Variants in DOK6 observed in about 807,000 individuals in gnomAD.
DOK6 encodes the protein downstream of tyrosine kinase 6.
Under a neutral mutation model 44.0 loss-of-function variants are expected in DOK6, and 22 were observed. The ratio of observed to expected loss-of-function variants is 0.50; its 90% CI spans 0.36 to 0.71. The LOEUF is 0.71. Ranked by LOEUF, DOK6 falls within the 30% of genes least tolerant of loss-of-function variation. The pLI, the probability that DOK6 is intolerant of heterozygous loss-of-function variation, is 0.00. For synonymous variants in DOK6, 166 were observed against 145.5 expected (o/e 1.14, Z -1.01); for missense variants, 340 against 416.4 (o/e 0.82, Z 1.60).
chr18:69,549,918 T>C (rs1469280269), intron 1 of DOK6, among the ~76,000 whole-genome samples: 1 of 150,516 alleles, frequency 6.6e-6, no homozygotes, highest in Non-Finnish European at 1.5e-5. Context: ...TGCTAATAGC[T>C]ACTATTTCTT....
At chr18:69,517,125 A>G (rs1230963386) in intron 1 of DOK6, among the ~76,000 whole-genome samples, 4 of 152,180 alleles carry the variant, frequency 2.6e-5, no homozygotes. Context: ...ATGAACTCAT[A>G]GGAGATTCTT....
At chr18:69,836,120 A>T (rs1224002251) in intron 7 of DOK6, among the ~76,000 whole-genome samples, 1 of 152,182 alleles carries the variant, frequency 6.6e-6, no homozygotes, top group Non-Finnish European at 1.5e-5. Flanking sequence ...TTTTTCTTCC[A>T]TTCATAATGT....
chr18:69,444,235 G>A (rs767221067), intron 1 of DOK6, among the ~76,000 whole-genome samples: 2 of 152,122 alleles, frequency 1.3e-5, no homozygotes, highest in Non-Finnish European at 1.5e-5. Flanking sequence ...TGGAGAGCAC[G>A]GCACTCATCA....
intron 1 of DOK6, among the ~76,000 whole-genome samples, chr18:69,465,461 C>A (rs1979898165): frequency 6.6e-6 from 1 of 151,644 alleles, no homozygotes; most frequent in East Asian, 1.9e-4. Flanking sequence ...CCCCGCTCCC[C>A]CCACCCCACA....
chr18:69,677,429 T>A (rs1985948975), intron 3 of DOK6, among the ~76,000 whole-genome samples: 1 of 151,620 alleles, frequency 6.6e-6, no homozygotes, highest in African/African-American at 2.4e-5. Context: ...TTATTTTAAG[T>A]AAATTTTCCT....
At chr18:69,529,789 A>T (rs1981933779) in intron 1 of DOK6, among the ~76,000 whole-genome samples, 1 of 152,028 alleles carries the variant, frequency 6.6e-6, no homozygotes, top group South Asian at 2.1e-4. Flanking sequence ...TCAGAACAGT[A>T]CTCTTAAACT....
At chr18:69,509,367 G>A (rs1046341028) in intron 1 of DOK6, among the ~76,000 whole-genome samples, 2 of 152,178 alleles carry the variant, frequency 1.3e-5, no homozygotes, top group African/African-American at 2.4e-5. Flanking sequence ...GCCGGGCGCG[G>A]TGGTTCACGC....
chr18:69,735,361 C>T (rs1978568918), intron 5 of DOK6, among the ~76,000 whole-genome samples: 1 of 152,226 alleles, frequency 6.6e-6, no homozygotes, highest in Admixed American at 6.5e-5. Context: ...CTCAATACTC[C>T]TCTAGAAGAC....
chr18:69,570,199 T>C (rs146208172), intron 2 of DOK6, among the ~76,000 whole-genome samples: 1 of 152,070 alleles, frequency 6.6e-6, no homozygotes, highest in Non-Finnish European at 1.5e-5. Flanking sequence ...AAATAAAAGT[T>C]AAACAATATA....
intron 5 of DOK6, among the ~76,000 whole-genome samples, chr18:69,699,550 T>A (rs1986465236): frequency 6.6e-6 from 1 of 152,120 alleles, no homozygotes; most frequent in South Asian, 2.1e-4. Flanking sequence ...AATATTAAAG[T>A]CTCTACCACA....
chr18:69,577,219 T>C (rs1983259731), intron 2 of DOK6, among the ~76,000 whole-genome samples: 1 of 152,158 alleles, frequency 6.6e-6, no homozygotes, highest in African/African-American at 2.4e-5. Context: ...CATTGGTAAA[T>C]GCAGAAATGG....
At chr18:69,506,188 CT>C (rs1306930874) in intron 1 of DOK6, among the ~76,000 whole-genome samples, 1 of 151,968 alleles carries the variant, frequency 6.6e-6, no homozygotes, top group Non-Finnish European at 1.5e-5. Flanking sequence ...TATAAAGACT[CT>C]TTTTTAAAAA....
chr18:69,524,386 A>G (rs1981771551), intron 1 of DOK6, among the ~76,000 whole-genome samples: 1 of 151,994 alleles, frequency 6.6e-6, no homozygotes, highest in South Asian at 2.1e-4. Flanking sequence ...GATTTATGCA[A>G]TTTAAAGTTT....
chr18:69,819,997 C>T (rs1248094574), intron 7 of DOK6, among the ~76,000 whole-genome samples: 2 of 152,122 alleles, frequency 1.3e-5, no homozygotes, highest in Non-Finnish European at 2.9e-5. Context: ...TTGTGTTGGG[C>T]CACATTCGTA....
At chr18:69,624,391 G>A (rs1481130738) in intron 3 of DOK6, among the ~76,000 whole-genome samples, 1 of 152,118 alleles carries the variant, frequency 6.6e-6, no homozygotes, top group African/African-American at 2.4e-5. Context: ...CCTGCTAGCA[G>A]TATGTTTATG....
intron 1 of DOK6, among the ~76,000 whole-genome samples, chr18:69,455,031 C>T (rs1169091713): frequency 6.9e-6 from 1 of 144,794 alleles, no homozygotes; most frequent in African/African-American, 2.6e-5. Context: ...GCACAATGTG[C>T]ACATGTACCC....
chr18:69,708,783 CAAAAAAA>C (rs376287840), intron 5 of DOK6, among the ~76,000 whole-genome samples: 101 of 79,306 alleles, frequency 1.3e-3, no homozygotes, highest in African/African-American at 4.6e-3. Context: ...AAATCCGTCT[CAAAAAAA>C]AAAAAAAAAA....
At chr18:69,669,839 C>T (rs1985753028) in intron 3 of DOK6, among the ~76,000 whole-genome samples, 1 of 152,170 alleles carries the variant, frequency 6.6e-6, no homozygotes. Context: ...ATATATTTCT[C>T]ATTGCTTTCA....
chr18:69,660,373 CA>C (rs1666139685), intron 3 of DOK6: 1 of 152,158 alleles, frequency 6.6e-6, no homozygotes, highest in East Asian at 1.9e-4. Flanking sequence ...TTTCCAATAA[CA>C]TAAATTTCAA....
Sources: gnomAD v4.1 joint callset for allele counts (sites outside exome capture counted in the v4.1 genomes callset) on GRCh38, gnomAD v4.1.1 for gene constraint, MANE v1.5 for transcripts, NCBI Gene and HGNC (gene_info 2026-07-23, HGNC 2026-07-21) for gene names.